Variants in LRRFIP1 observed in about 807,000 individuals in gnomAD.
LRRFIP1 encodes leucine-rich repeat flightless-interacting protein 1.
Under a neutral mutation model 104.4 loss-of-function variants are expected in LRRFIP1, and 62 were observed. The observed-to-expected ratio is 0.59, with a 90% CI of 0.48 to 0.73. The LOEUF (loss-of-function observed/expected upper bound fraction) is 0.73, where lower values mean the gene tolerates loss of function less well. LRRFIP1 is among the 30% of genes least tolerant of loss of function. The pLI is 0.00. For missense variants in LRRFIP1, 796 were observed against 824.5 expected, an observed-to-expected ratio of 0.97 and a Z score of 0.42; for synonymous variants, 300 against 299.0, an observed-to-expected ratio of 1.00 and a Z score of -0.03.
rs2092770547 is a variant in LRRFIP1 at position 237,691,704 on chromosome 2, C to G, written c.97-16840C>G. 6.6e-6 allele frequency among the ~76,000 whole-genome samples: 1 copy of G among 152,096 alleles called. No individual in the cohort carries two copies. The highest frequency in any genetic ancestry group is 2.1e-4 in the South Asian group (1 of 4,816). On this transcript the variant is annotated intron_variant, in intron 1 of 23. Transcript: ENST00000308482. This position sits in a 1 kb window ranked among gnomAD's most constrained non-coding sequence, Gnocchi z 5.4. ...CGGGCAGGTCCCCCCCCGGAGGGGA[C>G]CCCCTCTTCGGGTCGACCCCTACTG... is the stretch of plus-strand genomic sequence containing the variant.
intron 1 of LRRFIP1, among the ~76,000 whole-genome samples, chr2:237,682,783 GGATGAAAGAAGAAGGCAACA>G (rs2149661527): frequency 6.6e-6 from 1 of 152,322 alleles, no homozygotes; most frequent in South Asian, 2.1e-4. Context: ...AGTTCTCACT[GGATGAAAGAAGAAGGCAACA>G]GATGTTAGAT....
intron 2 of LRRFIP1, among the ~76,000 whole-genome samples, chr2:237,709,659 G>A (rs116762629): frequency 0.021 from 3,126 of 152,240 alleles, 96 homozygotes; most frequent in African/African-American, 0.069. Context: ...CCTGCCACAG[G>A]TCTAATGTGC....
Position 237,739,328 on chromosome 2 carries a change from C to T in LRRFIP1, c.633+19C>T, listed in dbSNP as rs1576072647. 4.5e-6 allele frequency: 7 copies of T among 1,546,358 alleles called. No individual in the cohort carries two copies. The highest frequency in any genetic ancestry group is 6.1e-6 in the Non-Finnish European group (7 of 1,147,252). ...CCCTGTGGTAAGTCGGCCTCCTGGC[C>T]TTGCTCCTACTCAGTGTCACCCTCC... On this transcript the variant is annotated intron_variant, in intron 11 of 23. Transcript: ENST00000308482.
chr2:237,736,601 G>A (rs1175261605), intron 10 of LRRFIP1, among the ~76,000 whole-genome samples: 1 of 152,136 alleles, frequency 6.6e-6, no homozygotes, highest in Non-Finnish European at 1.5e-5. Context: ...GTCTGAGATG[G>A]GCTTCGGGAG....
chr2:237,627,938 T>C (rs2081815199), intron 1 of LRRFIP1, among the ~76,000 whole-genome samples, 198 bp downstream of exon 1: 1 of 150,792 alleles, frequency 6.6e-6, no homozygotes, highest in Admixed American at 6.6e-5. Flanking sequence ...CTCCGAGGCC[T>C]GCGGACCCCG....
rs968070098 is a variant in LRRFIP1 at position 237,733,895 on chromosome 2, G to A, written c.489+77G>A. 7 of 1,501,544 alleles carry A rather than the reference G, an allele frequency of 4.7e-6. No individual in the cohort carries two copies. The African/African-American group carries it at 6.9e-5, about 15-fold the overall frequency. 93.0% of individuals were successfully genotyped at this position (1,501,544 alleles called of 1,614,324 possible). A position where few individuals can be genotyped will look rare whatever the true frequency, so the allele number is the denominator to read the frequency against. On this transcript the variant is annotated intron_variant, in intron 9 of 23. Transcript: ENST00000308482. ...ACCGCCCCCACCAAGCCCAGAGCCGGGGATGTGCCTGTTCCCAGCCCCCTG... is the reference window on the plus strand; with the variant it reads ...ACCGCCCCCACCAAGCCCAGAGCCGAGGATGTGCCTGTTCCCAGCCCCCTG...
intron 1 of LRRFIP1, among the ~76,000 whole-genome samples, chr2:237,635,742 T>G (rs559169219): frequency 1.3e-5 from 2 of 152,224 alleles, no homozygotes; most frequent in Admixed American, 1.3e-4. Flanking sequence ...GGAGCATCGC[T>G]TAAGCCCAGG....
chr2:237,630,741 C>T (rs935685654), intron 1 of LRRFIP1, among the ~76,000 whole-genome samples: 1 of 152,228 alleles, frequency 6.6e-6, no homozygotes, highest in Non-Finnish European at 1.5e-5. Flanking sequence ...GATTCCCCGC[C>T]AGCCTCACCA....
intron 2 of LRRFIP1, among the ~76,000 whole-genome samples, chr2:237,709,889 A>G (rs1419453391): frequency 6.6e-6 from 1 of 150,550 alleles, no homozygotes; most frequent in East Asian, 1.9e-4. Context: ...GTCTTGCTCT[A>G]TCGCCCAGGC....
chr2:237,758,061 C>G (rs1213444333), intron 17 of LRRFIP1, among the ~76,000 whole-genome samples: 1 of 152,128 alleles, frequency 6.6e-6, no homozygotes, highest in Non-Finnish European at 1.5e-5. Context: ...GGGAACAGAA[C>G]CCCACAAAGT....
At chr2:237,751,730 T>A (rs1247883966) in intron 14 of LRRFIP1, among the ~76,000 whole-genome samples, 2 of 152,228 alleles carry the variant, frequency 1.3e-5, no homozygotes, top group Non-Finnish European at 2.9e-5. Flanking sequence ...TCCCAATTAT[T>A]TGCACCCTGT....
chr2:237,751,175 C>G, intron 13 of LRRFIP1, 25 bp from the exon 14 acceptor site: 1 of 1,564,780 alleles, frequency 6.4e-7, no homozygotes, highest in East Asian at 2.3e-5. Context: ...TTGACATCAT[C>G]TGCCTTTTTT....
At chr2:237,644,600 G>A (rs890083765) in intron 1 of LRRFIP1, among the ~76,000 whole-genome samples, 2 of 152,206 alleles carry the variant, frequency 1.3e-5, no homozygotes, top group South Asian at 2.1e-4. Context: ...TTGTGAAACC[G>A]GAAAGCTTAG....
At chr2:237,679,762 C>T (rs898084884) in intron 1 of LRRFIP1, among the ~76,000 whole-genome samples, 1 of 152,148 alleles carries the variant, frequency 6.6e-6, no homozygotes, top group Non-Finnish European at 1.5e-5. Flanking sequence ...GTATGCACCA[C>T]CACGCCCAGC....
rs186182311 is a variant in LRRFIP1, at chr2:237,696,055, T to C, written c.97-12489T>C. Among the ~76,000 whole-genome samples, 4 of 152,356 alleles carry C rather than the reference T, an allele frequency of 2.6e-5. No individual in the cohort carries two copies. The East Asian group carries it at 7.7e-4, about 29-fold the overall frequency. ...ATTCATTTTGGAAAGGGCCAGTGTT[T>C]CCAGTGGTTTCTCCTTGGGATTGTA... On this transcript the variant is annotated intron_variant, in intron 1 of 23. Transcript: ENST00000308482.
At chr2:237,729,081 C>T in intron 8 of LRRFIP1, among the ~76,000 whole-genome samples, 1 of 152,228 alleles carries the variant, frequency 6.6e-6, no homozygotes, top group East Asian at 1.9e-4. Flanking sequence ...CACTACCACA[C>T]CTGGCTAATT....
At chr2:237,708,364 G>A (rs950993478) in intron 1 of LRRFIP1, among the ~76,000 whole-genome samples, 180 bp from the exon 2 acceptor site, 3 of 152,244 alleles carry the variant, frequency 2.0e-5, no homozygotes, top group African/African-American at 4.8e-5. Context: ...ATAAATGGTA[G>A]CAGTTCTTAT....
chr2:237,758,812 G>GTAA lies in LRRFIP1; in HGVS notation c.1308_1309insTAA (p.Glu436_Glu437insTer), dbSNP rs752147133. On this transcript the variant is annotated stop_gained and inframe_insertion, in exon 18 of 24. Coordinates refer to ENST00000308482, the MANE Select transcript of LRRFIP1 (RefSeq NM_001137550.2). LOFTEE classifies it high-confidence loss of function. Reference sequence around the variant, plus strand: ...GAGAAGAAGTAGTCATGCTGAAAGAGGAATTAAAGGTATGAAGCCAAACTA... The same window carrying GTAA: ...GAGAAGAAGTAGTCATGCTGAAAGAGTAAGAATTAAAGGTATGAAGCCAAACTA... The GTAA allele has an allele frequency of 1.2e-6, 2 of 1,609,394 alleles. No individual in the cohort carries two copies. Among genetic ancestry groups the GTAA allele is most frequent in the African/African-American group, 2.7e-5 (2 of 74,494 alleles).
At chr2:237,742,046 T>C (rs11689421) in intron 11 of LRRFIP1, among the ~76,000 whole-genome samples, 7,405 of 152,230 alleles carry the variant, frequency 0.049, 201 homozygotes, top group Middle Eastern at 0.13. Context: ...CTCAATATAG[T>C]CACTTAGAGA....
Sources: gnomAD v4.1 joint callset for allele counts (sites outside exome capture counted in the v4.1 genomes callset) on GRCh38, gnomAD v4.1.1 for gene constraint, Gnocchi (gnomAD v3.1) non-coding constraint, MANE v1.5 for transcripts, NCBI Gene and HGNC (gene_info 2026-07-23, HGNC 2026-07-21) for gene names.